Variants in MAPRE2 observed in about 807,000 individuals in gnomAD.
MAPRE2 encodes the protein microtubule associated protein RP/EB family member 2, also known as microtubule-associated protein RP/EB family member 2.
A neutral mutation model predicts 43.2 loss-of-function variants in MAPRE2; 13 were observed. The ratio of observed to expected loss-of-function variants is 0.30; its 90% CI spans 0.20 to 0.48. MAPRE2 has a LOEUF of 0.48. MAPRE2 is among the 20% of genes least tolerant of loss of function. The pLI is 0.99. For missense variants in MAPRE2, 161 were observed against 400.2 expected (o/e 0.40, Z 5.10); for synonymous variants, 135 against 148.8 (o/e 0.91, Z 0.68).
chr18:35,089,912 A>C (rs574146856), intron 2 of MAPRE2, among the ~76,000 whole-genome samples: 1 of 152,368 alleles, frequency 6.6e-6, no homozygotes, highest in East Asian at 1.9e-4. Context: ...ATGGATCAGT[A>C]AAATGTGGTA....
At chr18:35,082,671 C>T (rs1329762134) in intron 2 of MAPRE2, among the ~76,000 whole-genome samples, 2 of 152,048 alleles carry the variant, frequency 1.3e-5, no homozygotes, top group Admixed American at 6.5e-5. Context: ...CAAAGCCTTA[C>T]GCTCATTGAG....
chr18:35,055,922 T>G (rs1906205195), intron 1 of MAPRE2, among the ~76,000 whole-genome samples: 1 of 149,730 alleles, frequency 6.7e-6, no homozygotes, highest in Non-Finnish European at 1.5e-5. Context: ...GCAACTGCAC[T>G]GCAGCCTGGG....
intron 1 of MAPRE2, 68 bp from the exon 2 acceptor site, chr18:35,070,127 C>T: frequency 2.1e-6 from 3 of 1,433,876 alleles, no homozygotes; most frequent in East Asian, 2.4e-5. Context: ...ATCTTGACCT[C>T]GAATAGGTAT....
At chr18:35,095,976 C>T (rs1445445909) in intron 2 of MAPRE2, among the ~76,000 whole-genome samples, 1 of 152,038 alleles carries the variant, frequency 6.6e-6, no homozygotes, top group Non-Finnish European at 1.5e-5. Context: ...TAGAGATATT[C>T]GTTATGGCCT....
At chr18:35,124,854 G>A (rs918539066) in intron 4 of MAPRE2, among the ~76,000 whole-genome samples, 11 of 152,082 alleles carry the variant, frequency 7.2e-5, no homozygotes, top group African/African-American at 9.7e-5. Context: ...TCTTTACCCA[G>A]TTGGTTTGCC....
At chr18:35,064,368 C>T (rs547430255) in intron 1 of MAPRE2, among the ~76,000 whole-genome samples, 6 of 131,476 alleles carry the variant, frequency 4.6e-5, no homozygotes, top group East Asian at 5.7e-4. Context: ...AATGAGTGAT[C>T]GGTGAAGTGT....
chr18:35,098,478 A>G (rs974611387), intron 3 of MAPRE2, among the ~76,000 whole-genome samples: 7 of 152,224 alleles, frequency 4.6e-5, no homozygotes, highest in Non-Finnish European at 4.4e-5. Context: ...AAGCTAAGGC[A>G]ATTAATATCT....
At chr18:35,041,391 G>C, upstream of MAPRE2, 1 of 1,496,320 alleles carries the variant, frequency 6.7e-7, no homozygotes, top group Non-Finnish European at 8.9e-7. Context: ...CCGCAGGAGG[G>C]CGGGGCGCGA....
rs185453428 is a variant in MAPRE2 at position 34,999,960 on chromosome 18, C to T, written c.-69-5532C>T. 4.1e-3 allele frequency among the ~76,000 whole-genome samples: 620 copies of T among 151,866 alleles called. 3 individuals are homozygous for T. The highest frequency in any genetic ancestry group is 0.012 in the African/African-American group (503 of 41,368). On this transcript the variant is annotated intron_variant, in intron 1 of 7. Coordinates refer to the MAPRE2 transcript ENST00000413393. ...CATTAATTGAGGCAGTGCGTGGCGG[C>T]GGAGGCAGAGCTCTCTGAAAGATTA...
chr18:34,993,849 A>G (rs2097025036), intron 1 of MAPRE2, among the ~76,000 whole-genome samples: 1 of 152,198 alleles, frequency 6.6e-6, no homozygotes, highest in Non-Finnish European at 1.5e-5. Flanking sequence ...CAAAATCAGT[A>G]CATAATTCTT....
At chr18:35,096,472 A>G (rs1385991682) in intron 2 of MAPRE2, among the ~76,000 whole-genome samples, 2 of 152,160 alleles carry the variant, frequency 1.3e-5, no homozygotes, top group African/African-American at 4.8e-5. Flanking sequence ...TCCCAGTTGT[A>G]GTGGTCATGT....
chr18:35,015,052 A>C (rs535264834), intron 2 of MAPRE2, among the ~76,000 whole-genome samples: 1 of 152,188 alleles, frequency 6.6e-6, no homozygotes, highest in Non-Finnish European at 1.5e-5. Context: ...GCTGTCTCAC[A>C]GGCCAATGCC....
intron 1 of MAPRE2, among the ~76,000 whole-genome samples, chr18:34,980,031 C>CTTTTTTTTTTTTTTTTTTTTTTTTTTTT (rs796434537): frequency 4.3e-5 from 2 of 46,152 alleles, no homozygotes; most frequent in Non-Finnish European, 9.2e-5. Context: ...TTCTTTTTTT[C>CTTTTTTTTTTTTTTTTTTTTTTTTTTTT]TTTTTTTTTT....
At position 35,121,843 on chromosome 18, in the gene MAPRE2, G is replaced by A. The variant is rs552021490; in HGVS notation, c.611-5105G>A. 5.3e-5 allele frequency among the ~76,000 whole-genome samples: 8 copies of A among 152,318 alleles called. No individual in the cohort carries two copies. In the South Asian group the frequency reaches 8.3e-4, roughly 16 times the overall value. On this transcript the variant is annotated intron_variant, in intron 4 of 6. Transcript: ENST00000300249. ...AAAACCAGGATTGGATGCTGTCAGAGACATGTTTGGAGCAGTTTACGAGAT... is the reference window on the plus strand; with the variant it reads ...AAAACCAGGATTGGATGCTGTCAGAAACATGTTTGGAGCAGTTTACGAGAT...
intron 2 of MAPRE2, among the ~76,000 whole-genome samples, chr18:35,027,479 G>A (rs1446964104): frequency 3.9e-5 from 6 of 152,058 alleles, no homozygotes; most frequent in Non-Finnish European, 8.8e-5. Context: ...AAAAGGCAAC[G>A]TCAGCCACCA....
intron 2 of MAPRE2, among the ~76,000 whole-genome samples, chr18:35,030,442 C>T (rs1388954930): frequency 6.6e-6 from 1 of 152,176 alleles, no homozygotes. Flanking sequence ...AAAAGAATGA[C>T]ATGTTTGACA....
At chr18:34,999,300 T>C (rs2097028166) in intron 1 of MAPRE2, among the ~76,000 whole-genome samples, 1 of 152,236 alleles carries the variant, frequency 6.6e-6, no homozygotes, top group Non-Finnish European at 1.5e-5. Context: ...AACTATAATA[T>C]ATGTGTTATT....
chr18:35,036,592 G>T (rs1387079843), upstream of MAPRE2, among the ~76,000 whole-genome samples: 4 of 152,122 alleles, frequency 2.6e-5, no homozygotes, highest in Non-Finnish European at 5.9e-5. Context: ...ACCTCTGTAT[G>T]TAGGAATAGT....
At chr18:35,078,210 C>G (rs1327778822) in intron 2 of MAPRE2, among the ~76,000 whole-genome samples, 3 of 152,174 alleles carry the variant, frequency 2.0e-5, no homozygotes, top group Admixed American at 1.3e-4. Flanking sequence ...GAAATGTGTT[C>G]ATACCCTTTC....
Sources: gnomAD v4.1 joint callset for allele counts (sites outside exome capture counted in the v4.1 genomes callset) on GRCh38, gnomAD v4.1.1 for gene constraint, MANE v1.5 for transcripts, NCBI Gene and HGNC (gene_info 2026-07-23, HGNC 2026-07-21) for gene names.